The following COL5A2 variants were observed in gnomAD, a reference collection of about 807,000 sequenced individuals.
COL5A2 encodes collagen type V alpha 2 chain.
A neutral mutation model predicts 208.2 loss-of-function variants in COL5A2; 23 were observed. The observed-to-expected ratio is 0.11, with a 90% confidence interval of 0.08 to 0.16. The LOEUF (loss-of-function observed/expected upper bound fraction) is 0.16, where lower values mean the gene tolerates loss of function less well. COL5A2 is among the 10% of genes least tolerant of loss of function. The pLI, the probability that COL5A2 is intolerant of heterozygous loss-of-function variation, is 1.00. For missense variants in COL5A2, 1,590 were observed against 1,956.4 expected, an observed-to-expected ratio of 0.81 and a Z score of 3.53; for synonymous variants, 625 against 628.5, an observed-to-expected ratio of 0.99 and a Z score of 0.08.
chr2:189,050,637 G>T lies in COL5A2; in HGVS notation c.2971C>A (p.Gln991Lys). ...CCAGGCATGCCAACAATTCCTCTCT[G>T]CCCGGTCGTTCCAGCTGGACCAGGG... The part of the protein sequence containing the change: ...GPPGPAGTTG[Q>K]RGIVGMPGQR... Residue 991 changes from glutamine (Q) to lysine (K), a missense_variant, in exon 43 of 54, where the codon CAG (glutamine) becomes AAG (lysine). Gln to Lys is a moderately conservative substitution (Grantham distance 53, BLOSUM62 1). Transcript: ENST00000374866. 6.4e-7 allele frequency: 1 copy of T among 1,552,530 alleles called. No homozygotes were observed. Among genetic ancestry groups the T allele is most frequent in the South Asian group, 1.2e-5 (1 of 84,092 alleles).
At chr2:189,190,140 A>T (rs2105844273) in intron 1 of COL5A2, among the ~76,000 whole-genome samples, 1 of 151,340 alleles carries the variant, frequency 6.6e-6, no homozygotes, top group Admixed American at 6.6e-5. Flanking sequence ...ATACACAGTA[A>T]ATACTAAAGC....
the COL5A2 span, among the ~76,000 whole-genome samples, chr2:189,231,808 C>G: frequency 6.6e-6 from 1 of 151,680 alleles, no homozygotes; most frequent in Non-Finnish European, 1.5e-5. Context: ...TTTCCATTCT[C>G]TGTTCCAACA....
chr2:189,043,161 G>A lies in COL5A2; in HGVS notation c.3461C>T (p.Pro1154Leu). ...HRGFTGLQGL[P>L]GPPGPNGEQG... Reference sequence around the variant, plus strand: ...AAAGGAATAACTTACAGGAGGGCCAGGAAGACCCTGAAGACCAGTAAAGCC... The same window carrying A: ...AAAGGAATAACTTACAGGAGGGCCAAGAAGACCCTGAAGACCAGTAAAGCC... The change falls in exon 48 of 54, where the codon CCT becomes CTT. Residue 1154 changes from proline (P) to leucine (L), a missense_variant. Physicochemically the swap from Pro to Leu is moderately conservative, Grantham distance 98 (BLOSUM62 -3). Coordinates refer to ENST00000374866, the MANE Select transcript of COL5A2 (RefSeq NM_000393.5). The A allele has an allele frequency of 1.2e-6, 2 of 1,612,764 alleles. No homozygotes were observed. The highest frequency in any genetic ancestry group is 2.2e-5 in the East Asian group (1 of 44,856).
intron 17 of COL5A2, among the ~76,000 whole-genome samples, chr2:189,073,728 A>G (rs1001865381): frequency 6.6e-6 from 1 of 152,184 alleles, no homozygotes; most frequent in Non-Finnish European, 1.5e-5. Flanking sequence ...AAGTCAGGGC[A>G]CCACTATTAA....
At chr2:189,363,422 T>C in the COL5A2 span, among the ~76,000 whole-genome samples, 5 of 152,168 alleles carry the variant, frequency 3.3e-5, no homozygotes, top group African/African-American at 7.2e-5. Flanking sequence ...AAAATTATCA[T>C]ATGTTTTTTC....
chr2:189,178,589 A>G (rs1490123297), intron 1 of COL5A2, among the ~76,000 whole-genome samples: 2 of 151,978 alleles, frequency 1.3e-5, no homozygotes, highest in Non-Finnish European at 2.9e-5. Context: ...GAATCAATTT[A>G]AATATTTTCT....
At chr2:189,078,388 A>G in intron 16 of COL5A2, 128 bp downstream of exon 16, 1 of 654,298 alleles carries the variant, frequency 1.5e-6, no homozygotes, top group Non-Finnish European at 2.5e-6. Context: ...TTATTCCAAA[A>G]GAAAAAGAAA....
At chr2:189,311,044 C>A in the COL5A2 span, among the ~76,000 whole-genome samples, 2 of 151,984 alleles carry the variant, frequency 1.3e-5, no homozygotes, top group African/African-American at 4.8e-5. Context: ...AAGCACCATG[C>A]AAGTGGGGTG....
the COL5A2 span, among the ~76,000 whole-genome samples, chr2:189,326,067 A>T: frequency 2.0e-5 from 3 of 148,090 alleles, no homozygotes; most frequent in African/African-American, 7.5e-5. Flanking sequence ...ACTGCACTCC[A>T]GCCTGAGTGA....
At chr2:189,405,210 T>G in the COL5A2 span, among the ~76,000 whole-genome samples, 1 of 147,440 alleles carries the variant, frequency 6.8e-6, no homozygotes, top group Non-Finnish European at 1.5e-5. Context: ...TGACATTAGA[T>G]ATTTATTTTT....
chr2:189,258,003 A>T, the COL5A2 span, among the ~76,000 whole-genome samples: 2 of 152,014 alleles, frequency 1.3e-5, no homozygotes, highest in Non-Finnish European at 2.9e-5. Context: ...AGTCCCAGCT[A>T]CTCAGGAGGC....
intron 2 of COL5A2, among the ~76,000 whole-genome samples, chr2:189,106,629 G>A (rs1049541517): frequency 2.0e-5 from 3 of 150,928 alleles, no homozygotes; most frequent in Admixed American, 2.0e-4. Flanking sequence ...GGCACATTCA[G>A]TACTGTTAAA....
chr2:189,236,369 T>C, the COL5A2 span, among the ~76,000 whole-genome samples: 1 of 151,750 alleles, frequency 6.6e-6, no homozygotes, highest in Non-Finnish European at 1.5e-5. Flanking sequence ...GGACAATATA[T>C]GTGAAATATA....
chr2:189,190,906 G>A (rs1688915141), intron 1 of COL5A2, among the ~76,000 whole-genome samples: 1 of 152,040 alleles, frequency 6.6e-6, no homozygotes. Flanking sequence ...GCCCACCAAA[G>A]GCTTACGTGG....
At chr2:189,074,295 TG>T (rs1686348558) in intron 17 of COL5A2, among the ~76,000 whole-genome samples, 3 of 152,122 alleles carry the variant, frequency 2.0e-5, no homozygotes, top group Non-Finnish European at 4.4e-5. Context: ...TAGCCCTTTA[TG>T]ATCTAGATCT....
intron 1 of COL5A2, among the ~76,000 whole-genome samples, chr2:189,192,382 G>C (rs904396737): frequency 6.6e-6 from 1 of 152,116 alleles, no homozygotes; most frequent in East Asian, 1.9e-4. Flanking sequence ...GTAGGTCTTT[G>C]GGAAACATGA....
the COL5A2 span, among the ~76,000 whole-genome samples, chr2:189,247,992 A>G: frequency 1.3e-5 from 2 of 152,226 alleles, no homozygotes; most frequent in Admixed American, 1.3e-4. Flanking sequence ...TAAAGTCAAT[A>G]CATGTTCTAA....
chr2:189,287,659 T>C, the COL5A2 span, among the ~76,000 whole-genome samples: 1 of 152,144 alleles, frequency 6.6e-6, no homozygotes, highest in Non-Finnish European at 1.5e-5. Flanking sequence ...AGTGACTACT[T>C]ACTAACAAAC....
chr2:189,078,449 T>C, intron 16 of COL5A2, 67 bp downstream of exon 16: 4 of 1,328,846 alleles, frequency 3.0e-6, no homozygotes, highest in Non-Finnish European at 4.3e-6. Flanking sequence ...GCAAGTTCAG[T>C]AAACCAAATC....
Sources: allele counts gnomAD v4.1 joint callset (sites outside exome capture counted in the v4.1 genomes callset), GRCh38; gene constraint gnomAD v4.1.1; transcripts MANE v1.5; gene names NCBI Gene and HGNC (gene_info 2026-07-23, HGNC 2026-07-21).